ASTN2: variants seen among roughly 807,000 people sequenced by gnomAD.
The protein encoded by ASTN2 is astrotactin 2, also known as astrotactin-2.
In ASTN2, 54 loss-of-function variants were observed where a neutral mutation model predicts 139.8. The observed-to-expected ratio is 0.39, with a 90% CI of 0.31 to 0.48. The LOEUF (loss-of-function observed/expected upper bound fraction) is 0.48, where lower values mean the gene tolerates loss of function less well. Among genes scored for constraint, ASTN2 ranks in the 20% least tolerant of loss-of-function variants. The probability of loss-of-function intolerance (pLI) is 0.95; values close to 1 mark genes in which losing one functional copy is unlikely to be tolerated. For missense variants in ASTN2, 1,565 were observed against 1,725.1 expected, an observed-to-expected ratio of 0.91 and a Z score of 1.64; for synonymous variants, 756 against 719.5, an observed-to-expected ratio of 1.05 and a Z score of -0.81.
intron 10 of ASTN2, among the ~76,000 whole-genome samples, chr9:116,943,848 G>A (rs1835304353): frequency 6.6e-6 from 1 of 152,064 alleles, no homozygotes; most frequent in African/African-American, 2.4e-5. Context: ...ACAAGATTTT[G>A]TTTGCCTCTT....
intron 4 of ASTN2, among the ~76,000 whole-genome samples, chr9:117,134,912 G>A (rs963030633): frequency 4.6e-5 from 7 of 152,314 alleles, no homozygotes; most frequent in East Asian, 3.9e-4. Context: ...ATCCAGTGAC[G>A]TAACACTGTG....
chr9:117,386,543 G>A (rs1034456294), intron 1 of ASTN2, among the ~76,000 whole-genome samples: 29 of 152,164 alleles, frequency 1.9e-4, no homozygotes, highest in African/African-American at 6.8e-4. Context: ...GGACCAGGAT[G>A]GACCACGAGC....
Position 117,034,200 on chromosome 9 carries a change from T to C in ASTN2, c.1423+5619A>G, listed in dbSNP as rs533211650. On this transcript the variant is annotated intron_variant, in intron 6 of 22. Coordinates refer to ENST00000313400, the MANE Select transcript of ASTN2 (RefSeq NM_001365068.1). ...TTTAAAAGCAGACTCTTCTATTGGC[T>C]GACCACATTGGGTGAATATATGCCC... Among the ~76,000 whole-genome samples, 13 of 152,308 alleles carry C rather than the reference T, an allele frequency of 8.5e-5. No homozygotes were observed. In the South Asian group the frequency reaches 2.7e-3, roughly 32 times the overall value.
intron 1 of ASTN2, among the ~76,000 whole-genome samples, chr9:117,356,393 C>T (rs147688505): frequency 3.9e-4 from 60 of 152,222 alleles, no homozygotes; most frequent in Non-Finnish European, 5.4e-4. Context: ...ATGTTTGATA[C>T]GATGAAATTA....
intron 5 of ASTN2, among the ~76,000 whole-genome samples, chr9:117,058,357 T>G (rs1193309210): frequency 2.6e-5 from 4 of 151,994 alleles, no homozygotes; most frequent in Non-Finnish European, 5.9e-5. Context: ...ATTCCCTTGT[T>G]TCACAATAAA....
At chr9:117,346,734 C>G (rs1048726843) in intron 1 of ASTN2, among the ~76,000 whole-genome samples, 4 of 152,164 alleles carry the variant, frequency 2.6e-5, no homozygotes, top group African/African-American at 9.6e-5. Context: ...AGGGCCACCT[C>G]TATTCCCTCA....
chr9:116,983,170 C>T (rs140277678), intron 7 of ASTN2, among the ~76,000 whole-genome samples: 2 of 152,150 alleles, frequency 1.3e-5, no homozygotes, highest in African/African-American at 4.8e-5. Context: ...TCTCTCTGGG[C>T]CCTCAGAGCA....
At chr9:117,348,425 A>AT (rs1478134280) in intron 1 of ASTN2, among the ~76,000 whole-genome samples, 1 of 152,212 alleles carries the variant, frequency 6.6e-6, no homozygotes, top group African/African-American at 2.4e-5. Context: ...CATGTCTCTG[A>AT]AAATGTGTCC....
intron 5 of ASTN2, among the ~76,000 whole-genome samples, chr9:117,094,141 AGGGAGGGAGGGAGAAAGGGAGG>A (rs1828777613): frequency 3.3e-5 from 3 of 90,856 alleles, no homozygotes; most frequent in African/African-American, 1.3e-4. Flanking sequence ...GGACTAAGGG[AGGGAGGGAGGGAGAAAGGGAGG>A]AAGGGAGGAA....
At chr9:116,580,583 C>T (rs1354449297) in intron 19 of ASTN2, among the ~76,000 whole-genome samples, 1 of 152,182 alleles carries the variant, frequency 6.6e-6, no homozygotes, top group Non-Finnish European at 1.5e-5. Context: ...GATGGCCAGC[C>T]ATAATTGCAG....
chr9:116,446,305 A>AGG, intron 20 of ASTN2, among the ~76,000 whole-genome samples: 1 of 148,992 alleles, frequency 6.7e-6, no homozygotes, highest in Non-Finnish European at 1.5e-5. Flanking sequence ...AGAGAGAGAG[A>AGG]GAGAATAATC....
intron 19 of ASTN2, among the ~76,000 whole-genome samples, chr9:116,580,730 T>G (rs965160436): frequency 2.0e-5 from 3 of 152,138 alleles, no homozygotes; most frequent in African/African-American, 7.2e-5. Context: ...CCAAAGGGAT[T>G]TTTTTTTCTT....
chr9:117,086,749 T>G (rs964605290), intron 5 of ASTN2, among the ~76,000 whole-genome samples: 1 of 152,110 alleles, frequency 6.6e-6, no homozygotes, highest in Admixed American at 6.6e-5. Flanking sequence ...GGCCCTGTAA[T>G]AACCAGATAA....
intron 1 of ASTN2, among the ~76,000 whole-genome samples, chr9:117,293,582 G>A (rs917714814): frequency 6.6e-5 from 10 of 152,132 alleles, no homozygotes; most frequent in Non-Finnish European, 1.0e-4. Context: ...TTGTCGTTCT[G>A]GGGAGGGGCT....
chr9:116,521,739 G>A (rs987477160), intron 19 of ASTN2, among the ~76,000 whole-genome samples: 5 of 152,050 alleles, frequency 3.3e-5, no homozygotes, highest in East Asian at 3.9e-4. Flanking sequence ...GGAGAAAATC[G>A]TCACAATCCA....
chr9:117,252,116 T>C lies in ASTN2; in HGVS notation c.631-37374A>G, dbSNP rs558577739. Among the ~76,000 whole-genome samples the C allele has an allele frequency of 4.6e-5, 7 of 152,306 alleles. No individual in the cohort carries two copies. The South Asian group carries it at 1.5e-3, about 32-fold the overall frequency. ...TAAAGGAGATTTTTGCATTGCCTAA[T>C]AATGATGGGGATGAATGTCTTAATC... On this transcript the variant is annotated intron_variant, in intron 2 of 22. Coordinates refer to ENST00000313400, the MANE Select transcript of ASTN2 (RefSeq NM_001365068.1).
At chr9:117,098,467 C>T (rs1273260999) in intron 4 of ASTN2, among the ~76,000 whole-genome samples, 1 of 152,050 alleles carries the variant, frequency 6.6e-6, no homozygotes. Context: ...TTCCTTAAGA[C>T]GGTATGTTCT....
At chr9:117,009,503 CAA>C (rs1194382132) in intron 6 of ASTN2, among the ~76,000 whole-genome samples, 2 of 151,938 alleles carry the variant, frequency 1.3e-5, no homozygotes, top group African/African-American at 4.8e-5. Flanking sequence ...TAAAACAAAA[CAA>C]AGATAGAATT....
chr9:117,090,433 G>A (rs1828677769), intron 5 of ASTN2, among the ~76,000 whole-genome samples: 1 of 152,098 alleles, frequency 6.6e-6, no homozygotes, highest in African/African-American at 2.4e-5. Flanking sequence ...GGAAATACCA[G>A]ACACCCCTCC....
Sources: gnomAD v4.1 joint callset for allele counts (sites outside exome capture counted in the v4.1 genomes callset) on GRCh38, gnomAD v4.1.1 for gene constraint, MANE v1.5 for transcripts, NCBI Gene and HGNC (gene_info 2026-07-23, HGNC 2026-07-21) for gene names.